The following LILRB3 variants were observed in gnomAD, a reference collection of about 807,000 sequenced individuals.
LILRB3 encodes the protein leukocyte immunoglobulin like receptor B3.
In LILRB3, 32 loss-of-function variants were observed where a neutral mutation model predicts 68.2. That is an observed-to-expected ratio of 0.47 (90% CI 0.35 to 0.63). The LOEUF is 0.63. Among genes scored for constraint, LILRB3 ranks in the 30% least tolerant of loss-of-function variants. The probability of loss-of-function intolerance (pLI) is 0.00; values close to 1 mark genes in which losing one functional copy is unlikely to be tolerated. For missense variants in LILRB3, 502 were observed against 791.3 expected, an observed-to-expected ratio of 0.63 and a Z score of 4.39; for synonymous variants, 185 against 323.1, an observed-to-expected ratio of 0.57 and a Z score of 4.58.
intron 2 of LILRB3, 38 bp from the exon 3 acceptor site, chr19:54,222,600 C>T: frequency 6.8e-6 from 11 of 1,610,850 alleles, no homozygotes; most frequent in Non-Finnish European, 5.1e-6. Context: ...AAGACATCCC[C>T]ACGCTCAGAT....
chr19:54,222,501 G>C, exon 3 of LILRB3: 1 of 1,609,912 alleles, frequency 6.2e-7, no homozygotes, highest in South Asian at 1.1e-5. Flanking sequence ...AGATGGTCAC[G>C]GGGCTCCCCC....
At chr19:54,217,053 G>A in exon 13 of LILRB3, 3 of 1,614,144 alleles carry the variant, frequency 1.9e-6, no homozygotes, top group Non-Finnish European at 2.5e-6. Flanking sequence ...GCAGTCCTGA[G>A]TCTCCTTCTG....
At chr19:54,219,892 G>A (rs1326686425) in intron 7 of LILRB3, 4 of 1,548,460 alleles carry the variant, frequency 2.6e-6, no homozygotes, top group Admixed American at 2.0e-5. Context: ...TGACCCTGGG[G>A]GGTTAAGGGG....
At chr19:54,222,647 A>T (rs1368748432) in intron 2 of LILRB3, 85 bp from the exon 3 acceptor site, 2 of 1,611,924 alleles carry the variant, frequency 1.2e-6, no homozygotes, top group African/African-American at 2.7e-5. Flanking sequence ...CATCATCCCC[A>T]TCAGTCACCC....
intron 4 of LILRB3, 175 bp downstream of exon 4, chr19:54,221,653 G>A (rs1291767148): frequency 4.3e-5 from 69 of 1,586,354 alleles, no homozygotes; most frequent in African/African-American, 6.9e-5. Context: ...CCAGGTGAAC[G>A]TGGTCAAGGG....
intron 7 of LILRB3, 36 bp from the exon 8 acceptor site, chr19:54,219,281 A>G: frequency 1.3e-6 from 2 of 1,520,458 alleles, no homozygotes; most frequent in Non-Finnish European, 1.8e-6. Flanking sequence ...GAATGATGTC[A>G]TTGATGTGAG....
In LILRB3 at chr19:54,220,821, T is replaced by G. The variant is rs777799939; in HGVS notation, c.965A>C (p.Tyr322Ser). 2.8e-6 allele frequency: 4 copies of G among 1,450,710 alleles called. 1 individual carries two copies. Among genetic ancestry groups the G allele is most frequent in the Non-Finnish European group, 3.6e-6 (4 of 1,098,828 alleles). The allele number at this position is 1,450,710 out of a possible 1,614,324, so 89.9% of individuals were successfully genotyped here. ...CTGTGCTGACAGGGAGACGGTGTCA[T>G]AGATCTGTCCTGGAGAGAAGAAGGA... is the stretch of plus-strand genomic sequence containing the variant. The change falls in exon 6 of 13, where the codon TAT (tyrosine) becomes TCT (serine). Residue 322 changes from tyrosine (Y) to serine (S), a missense_variant. Physicochemically the swap from Tyr to Ser is moderately radical, Grantham distance 144. Transcript: ENST00000445347.
chr19:54,219,719 C>CCTCT, intron 7 of LILRB3: 1 of 1,478,662 alleles, frequency 6.8e-7, no homozygotes, highest in Non-Finnish European at 9.0e-7. Flanking sequence ...CACCCACAGG[C>CCTCT]CTCTCTCCTT....
In LILRB3 at chr19:54,217,180, A is replaced by G. The variant is rs60566950; in HGVS notation, c.1809T>C (p.Leu603=). Residue 603 remains leucine, a synonymous_variant, in exon 13 of 13, where the codon CTT becomes CTC. Transcript: ENST00000445347. ...GAGGAGGCTCAGTTGCCTTCCGTCT[A>G]AGGGTCAAGCTGTGCAGCTGGGCGT... 4.8e-3 allele frequency: 7,714 copies of G among 1,610,386 alleles called. 365 individuals are homozygous for G. In the African/African-American group the frequency reaches 0.09, roughly 19 times the overall value.
chr19:54,218,172 G>A (rs1322362928), intron 11 of LILRB3, among the ~76,000 whole-genome samples, 189 bp downstream of exon 11: 2 of 152,088 alleles, frequency 1.3e-5, no homozygotes, highest in East Asian at 3.9e-4. Flanking sequence ...AGGGGACCCG[G>A]GAGGAGGCCC....
chr19:54,220,408 T>A, intron 6 of LILRB3, 120 bp downstream of exon 6: 1 of 1,120,342 alleles, frequency 8.9e-7, no homozygotes, highest in Non-Finnish European at 1.2e-6. Flanking sequence ...GAGGGCTGGG[T>A]GCCCTCTGGC....
At chr19:54,218,810 A>C in exon 9 of LILRB3, 1 of 1,614,126 alleles carries the variant, frequency 6.2e-7, no homozygotes, top group East Asian at 2.2e-5. Context: ...CAGCCCCTGC[A>C]GGACGCTGGA....
At chr19:54,217,690 G>C (rs2147229136) in intron 11 of LILRB3, 1 of 891,872 alleles carries the variant, frequency 1.1e-6, no homozygotes, top group African/African-American at 1.7e-5. Context: ...AGCCTCACAG[G>C]CCTTCCTGCA....
At chr19:54,219,561 G>T in intron 7 of LILRB3, 1 of 1,549,032 alleles carries the variant, frequency 6.5e-7, no homozygotes, top group Non-Finnish European at 8.7e-7. Context: ...CTGAACCACG[G>T]CCCTGCTCCC....
intron 4 of LILRB3, chr19:54,221,615 C>T: frequency 2.0e-6 from 3 of 1,537,190 alleles, no homozygotes; most frequent in South Asian, 1.2e-5. Context: ...ACAGCAAACA[C>T]ACCGATGCCT....
chr19:54,220,794 G>C (rs750252452), exon 6 of LILRB3: 1 of 1,506,968 alleles, frequency 6.6e-7, no homozygotes, highest in Non-Finnish European at 8.9e-7. Context: ...TGTGGGGCCC[G>C]GCTGTGCTGA....
At chr19:54,219,724 C>A (rs1366689369) in intron 7 of LILRB3, 39 of 1,478,414 alleles carry the variant, frequency 2.6e-5, no homozygotes, top group Non-Finnish European at 3.2e-5. Context: ...ACAGGCCTCT[C>A]TCCTTTACAC....
intron 11 of LILRB3, among the ~76,000 whole-genome samples, chr19:54,218,108 G>A (rs1396022839): frequency 6.6e-6 from 1 of 150,938 alleles, no homozygotes; most frequent in Non-Finnish European, 1.5e-5. Context: ...ATCCTCCTGA[G>A]GCCTGGGGAG....
At chr19:54,219,042 T>C (rs76887317) in intron 8 of LILRB3, 87 bp downstream of exon 8, 188,119 of 1,533,476 alleles carry the variant, frequency 0.12, 13,662 homozygotes, top group African/African-American at 0.32. Flanking sequence ...TTTTCTAAAC[T>C]GACACCCCTG....
Sources: allele counts gnomAD v4.1 joint callset (sites outside exome capture counted in the v4.1 genomes callset), GRCh38; gene constraint gnomAD v4.1.1; transcripts MANE v1.5; gene names NCBI Gene and HGNC (gene_info 2026-07-23, HGNC 2026-07-21).